The following SAMD12 variants were observed in gnomAD, a reference collection of about 807,000 sequenced individuals.
The protein encoded by SAMD12 is sterile alpha motif domain-containing protein 12.
SAMD12 carries 9 observed loss-of-function variants against 15.0 expected under a neutral mutation model. That is an observed-to-expected ratio of 0.60 (90% confidence interval 0.36 to 1.05). SAMD12 has a LOEUF of 1.05. Ranked by LOEUF, SAMD12 falls within the 50% of genes least tolerant of loss-of-function variation. The pLI is 0.01. For synonymous variants in SAMD12, 86 were observed against 90.1 expected (o/e 0.96, Z 0.25); for missense variants, 230 against 234.2 (o/e 0.98, Z 0.12).
intron 2 of SAMD12, among the ~76,000 whole-genome samples, chr8:118,534,573 G>T (rs1825785535): frequency 6.6e-6 from 1 of 152,106 alleles, no homozygotes; most frequent in African/African-American, 2.4e-5. Flanking sequence ...GTCACTTTCA[G>T]GTACACCAAT....
chr8:118,225,293 A>G (rs1398711309), intron 4 of SAMD12, among the ~76,000 whole-genome samples: 2 of 152,250 alleles, frequency 1.3e-5, no homozygotes, highest in Non-Finnish European at 2.9e-5. Flanking sequence ...TGTGCTATGT[A>G]GGCACAGGTG....
intron 4 of SAMD12, among the ~76,000 whole-genome samples, chr8:118,222,482 T>G (rs998685931): frequency 4.6e-5 from 7 of 152,152 alleles, no homozygotes; most frequent in Non-Finnish European, 7.3e-5. Flanking sequence ...AATCTAAAAT[T>G]TAAAAATGTG....
intron 2 of SAMD12, among the ~76,000 whole-genome samples, chr8:118,447,282 C>T (rs1017506854): frequency 6.6e-6 from 1 of 152,044 alleles, no homozygotes; most frequent in African/African-American, 2.4e-5. Flanking sequence ...TTCTTTCCTT[C>T]CTTCCCCTCA....
intron 2 of SAMD12, among the ~76,000 whole-genome samples, chr8:118,519,062 A>C (rs1825321232): frequency 6.6e-6 from 1 of 152,206 alleles, no homozygotes; most frequent in African/African-American, 2.4e-5. Context: ...AAAAGTCAAC[A>C]GTTATTGGGG....
At chr8:118,384,760 A>G (rs887186263) in intron 3 of SAMD12, among the ~76,000 whole-genome samples, 1 of 152,232 alleles carries the variant, frequency 6.6e-6, no homozygotes. Flanking sequence ...CAATTAAAAT[A>G]TTCTTCTTTT....
chr8:118,417,629 T>C (rs1449612395), intron 3 of SAMD12, among the ~76,000 whole-genome samples: 2 of 152,096 alleles, frequency 1.3e-5, no homozygotes, highest in Admixed American at 1.3e-4. Context: ...GAGATAATGA[T>C]AAAATATTCA....
At chr8:118,173,708 C>T in the SAMD12 span, among the ~76,000 whole-genome samples, 17 of 149,994 alleles carry the variant, frequency 1.1e-4, no homozygotes, top group Non-Finnish European at 2.5e-4. Flanking sequence ...CAGCTCACTG[C>T]CACCTCTGCC....
At chr8:118,601,396 T>C (rs1443979359) in intron 1 of SAMD12, among the ~76,000 whole-genome samples, 1 of 152,194 alleles carries the variant, frequency 6.6e-6, no homozygotes, top group Non-Finnish European at 1.5e-5. Flanking sequence ...AAACAATAAA[T>C]TATTTTTCTC....
intron 4 of SAMD12, among the ~76,000 whole-genome samples, chr8:118,283,285 T>G (rs1813749168): frequency 6.6e-6 from 1 of 152,216 alleles, no homozygotes; most frequent in African/African-American, 2.4e-5. Flanking sequence ...TAATGGCACC[T>G]TTTGGTCATA....
exon 5 of SAMD12, chr8:118,194,107 T>C (rs146508461): frequency 6.6e-6 from 1 of 152,302 alleles, no homozygotes; most frequent in East Asian, 1.9e-4. Flanking sequence ...AAGAAAGCAT[T>C]TGCAAGTAAC....
chr8:118,400,771 A>G (rs1820830003), intron 3 of SAMD12, among the ~76,000 whole-genome samples: 1 of 152,182 alleles, frequency 6.6e-6, no homozygotes, highest in Admixed American at 6.5e-5. Context: ...CTGTGAGAAC[A>G]CATACCCTCA....
the SAMD12 span, among the ~76,000 whole-genome samples, chr8:118,148,378 G>A: frequency 6.6e-6 from 1 of 152,004 alleles, no homozygotes; most frequent in African/African-American, 2.4e-5. Flanking sequence ...TTTTGGGTAT[G>A]TATATATTCA....
chr8:118,299,699 A>G (rs1242166726), intron 4 of SAMD12, among the ~76,000 whole-genome samples: 1 of 152,200 alleles, frequency 6.6e-6, no homozygotes, highest in Non-Finnish European at 1.5e-5. Flanking sequence ...GGCAGTTGGA[A>G]AAGTTCAGAT....
chr8:118,218,967 A>G (rs1358347079), intron 4 of SAMD12, among the ~76,000 whole-genome samples: 2 of 152,174 alleles, frequency 1.3e-5, no homozygotes, highest in African/African-American at 4.8e-5. Flanking sequence ...AGTTCTCTGA[A>G]AAATTGGCAG....
At chr8:118,151,808 TGACA>T in the SAMD12 span, among the ~76,000 whole-genome samples, 120 of 145,436 alleles carry the variant, frequency 8.3e-4, no homozygotes, top group Non-Finnish European at 1.4e-3. Context: ...CTAGCCTGGG[TGACA>T]GACAGAGACT....
chr8:118,285,349 T>C (rs926253066), intron 4 of SAMD12, among the ~76,000 whole-genome samples: 2 of 152,176 alleles, frequency 1.3e-5, no homozygotes, highest in African/African-American at 2.4e-5. Context: ...TTGGAGACTA[T>C]ATAGGGATTT....
At chr8:118,349,283 C>T (rs994589019) in intron 4 of SAMD12, among the ~76,000 whole-genome samples, 10 of 152,132 alleles carry the variant, frequency 6.6e-5, no homozygotes, top group Non-Finnish European at 1.0e-4. Context: ...AATCCTTCAT[C>T]GAGATATATG....
intron 1 of SAMD12, among the ~76,000 whole-genome samples, chr8:118,607,402 AT>A (rs1268458540): frequency 1.2e-4 from 19 of 152,002 alleles, no homozygotes; most frequent in Non-Finnish European, 2.5e-4. Context: ...CGCCCAGCTA[AT>A]TTTTGTATTT....
rs548416119 is a variant in SAMD12 at position 118,285,575 on chromosome 8, C to T, written c.434-87843G>A. On this transcript the variant is annotated intron_variant, in intron 4 of 4. Transcript: ENST00000409003. ...GAACGCCCACTATTGTGCAACAGCA[C>T]GCTTGAAAAACTCTTGCTTCAGATA... 8.7e-4 allele frequency among the ~76,000 whole-genome samples: 133 copies of T among 152,296 alleles called. 1 individual carries two copies. In the South Asian group the frequency reaches 0.026, roughly 30 times the overall value.
Sources: gnomAD v4.1 joint callset for allele counts (sites outside exome capture counted in the v4.1 genomes callset) on GRCh38, gnomAD v4.1.1 for gene constraint, MANE v1.5 for transcripts, NCBI Gene and HGNC (gene_info 2026-07-23, HGNC 2026-07-21) for gene names.